JAK2: variants seen among roughly 807,000 people sequenced by gnomAD.
JAK2 encodes tyrosine-protein kinase JAK2.
A neutral mutation model predicts 139.3 loss-of-function variants in JAK2; 86 were observed. The observed-to-expected ratio is 0.62, with a 90% CI of 0.52 to 0.74. JAK2 has a LOEUF of 0.74. Ranked by LOEUF, JAK2 falls within the 30% of genes least tolerant of loss-of-function variation. JAK2 has a pLI of 0.00. For synonymous variants in JAK2, 490 were observed against 437.7 expected, an observed-to-expected ratio of 1.12 and a Z score of -1.49; for missense variants, 1,421 against 1,360.3, an observed-to-expected ratio of 1.04 and a Z score of -0.70.
Position 5,041,071 on chromosome 9 carries a change from T to C in JAK2, c.351-3332T>C, listed in dbSNP as rs115680214. The C allele has an allele frequency of 5.5e-5, 38 of 694,000 alleles. No individual in the cohort carries two copies. In the African/African-American group the frequency reaches 6.4e-4, roughly 12 times the overall value. The allele number at this position is 694,000 out of a possible 1,614,324, so 43.0% of individuals were successfully genotyped here. A position where few individuals can be genotyped will look rare whatever the true frequency, so the allele number is the denominator to read the frequency against. ...AGCGCCATAGAGGGCGTCCCTCAGG[T>C]CTACTACCTACTACAGCCTGGAGGA... On this transcript the variant is annotated intron_variant, in intron 4 of 24. Transcript: ENST00000381652.
intron 19 of JAK2, among the ~76,000 whole-genome samples, chr9:5,082,247 C>T (rs150494605): frequency 0.031 from 4,654 of 152,180 alleles, 123 homozygotes; most frequent in Non-Finnish European, 0.038. Context: ...AAGAGGAATG[C>T]GGCAGGAGAG....
chr9:5,077,687 T>A (rs1324533882), intron 15 of JAK2, 107 bp downstream of exon 15: 2 of 637,516 alleles, frequency 3.1e-6, no homozygotes, highest in Non-Finnish European at 4.9e-6. Flanking sequence ...TGGATGCCAA[T>A]TCATGTAAAA....
intron 22 of JAK2, 98 bp downstream of exon 22, chr9:5,091,009 C>G (rs1435237880): frequency 4.4e-6 from 4 of 910,392 alleles, no homozygotes; most frequent in Non-Finnish European, 4.9e-6. Flanking sequence ...TTTACAGTAA[C>G]AGTGAACATT....
intron 2 of JAK2, among the ~76,000 whole-genome samples, chr9:5,014,536 A>G (rs1821922130): frequency 6.6e-6 from 1 of 152,176 alleles, no homozygotes; most frequent in Non-Finnish European, 1.5e-5. Context: ...GGAAAATATC[A>G]GAACAGCTGT....
chr9:5,091,112 T>C lies in JAK2; in HGVS notation c.3059+201T>C, dbSNP rs1586773415. ...GGGAAAATGGCATATGCTTTATTTC[T>C]ATTAAGTGTTGTCTTATTTATAGGG... On this transcript the variant is annotated intron_variant, in intron 22 of 24. Coordinates refer to ENST00000381652, the MANE Select transcript of JAK2 (RefSeq NM_004972.4). 4 of 437,522 alleles carry C rather than the reference T, an allele frequency of 9.1e-6. No individual in the cohort carries two copies. In the Admixed American group the frequency reaches 1.7e-4, roughly 18 times the overall value. The allele number at this position is 437,522 out of a possible 1,614,324, so 27.1% of individuals were successfully genotyped here. A position where few individuals can be genotyped will look rare whatever the true frequency, so the allele number is the denominator to read the frequency against.
chr9:5,046,261 G>C (rs1315690433), intron 5 of JAK2, among the ~76,000 whole-genome samples: 4 of 152,036 alleles, frequency 2.6e-5, no homozygotes, highest in Non-Finnish European at 5.9e-5. Context: ...TTTAAATCAG[G>C]TTGTTTGTTT....
chr9:5,079,971 G>A (rs1471776731), intron 16 of JAK2, among the ~76,000 whole-genome samples: 1 of 152,066 alleles, frequency 6.6e-6, no homozygotes. Flanking sequence ...CTAACAAATT[G>A]TGTGGCTTTG....
At position 5,062,341 on chromosome 9, in the gene JAK2, T is replaced by G. The variant is rs539623446; in HGVS notation, c.1057-2542T>G. Among the ~76,000 whole-genome samples, 52 of 152,004 alleles carry G rather than the reference T, an allele frequency of 3.4e-4. 1 individual carries two copies. The South Asian group carries it at 1.0e-2, about 29-fold the overall frequency. On this transcript the variant is annotated intron_variant, in intron 8 of 24. Transcript: ENST00000381652. ...GTACAATAGTTACATCAAAGGTCAT[T>G]GATCACAAATCACCGTAACAGGTAT...
intron 19 of JAK2, among the ~76,000 whole-genome samples, chr9:5,082,100 AAGAAAGAAGACACAG>A (rs565083564): frequency 1.7e-3 from 262 of 151,950 alleles, no homozygotes; most frequent in Non-Finnish European, 2.9e-3. Flanking sequence ...AGACTGAGAA[AAGAAAGAAGACACAG>A]AGACAAAAGT....
At chr9:5,067,502 T>C (rs1818650184) in intron 10 of JAK2, among the ~76,000 whole-genome samples, 1 of 152,104 alleles carries the variant, frequency 6.6e-6, no homozygotes, top group South Asian at 2.1e-4. Flanking sequence ...AAATGCAACT[T>C]ATATTTGGCA....
At chr9:5,118,636 T>C (rs938852427) in intron 22 of JAK2, among the ~76,000 whole-genome samples, 2 of 152,238 alleles carry the variant, frequency 1.3e-5, no homozygotes, top group South Asian at 4.1e-4. Context: ...ATAAATTCTG[T>C]GTTCATTTTG....
At chr9:5,003,998 A>G (rs1228222794) in intron 2 of JAK2, among the ~76,000 whole-genome samples, 2 of 152,094 alleles carry the variant, frequency 1.3e-5, no homozygotes, top group Non-Finnish European at 2.9e-5. Flanking sequence ...TATATTGACT[A>G]TTTAAAAAAT....
chr9:4,995,737 A>G (rs1820521061), intron 2 of JAK2, among the ~76,000 whole-genome samples: 2 of 152,246 alleles, frequency 1.3e-5, no homozygotes, highest in Non-Finnish European at 2.9e-5. Flanking sequence ...TCAAGCATTT[A>G]GGAATAGAAG....
chr9:5,121,204 A>T (rs1823595126), intron 22 of JAK2, among the ~76,000 whole-genome samples: 2 of 152,200 alleles, frequency 1.3e-5, no homozygotes, highest in Non-Finnish European at 2.9e-5. Flanking sequence ...TTTATGATTG[A>T]GTAAGCATTA....
intron 2 of JAK2, among the ~76,000 whole-genome samples, chr9:5,010,124 T>C (rs1821597560): frequency 6.6e-6 from 1 of 152,230 alleles, no homozygotes; most frequent in South Asian, 2.1e-4. Flanking sequence ...TCTAGTCCTA[T>C]CTACTTTTGA....
intron 18 of JAK2, among the ~76,000 whole-genome samples, chr9:5,081,117 G>C (rs957476536): frequency 4.1e-4 from 62 of 151,712 alleles, no homozygotes; most frequent in African/African-American, 1.4e-3. Flanking sequence ...GGATGGTCTC[G>C]ATCTCCTGAT....
intron 22 of JAK2, among the ~76,000 whole-genome samples, chr9:5,116,742 G>C (rs1315943652): frequency 1.3e-5 from 2 of 152,142 alleles, no homozygotes; most frequent in Admixed American, 1.3e-4. Context: ...TAGTAGAAAG[G>C]CTGAACTAAA....
chr9:5,013,269 C>T (rs1821819083), intron 2 of JAK2, among the ~76,000 whole-genome samples: 1 of 152,004 alleles, frequency 6.6e-6, no homozygotes, highest in Non-Finnish European at 1.5e-5. Flanking sequence ...AATTCTTTTA[C>T]ATTTCACCTC....
intron 2 of JAK2, among the ~76,000 whole-genome samples, chr9:4,997,997 C>G (rs1820680626): frequency 6.6e-6 from 1 of 151,996 alleles, no homozygotes; most frequent in Non-Finnish European, 1.5e-5. Flanking sequence ...CAGTGTTCTT[C>G]TAGCATGGCA....
Sources: gnomAD v4.1 joint callset for allele counts (sites outside exome capture counted in the v4.1 genomes callset) on GRCh38, gnomAD v4.1.1 for gene constraint, MANE v1.5 for transcripts, NCBI Gene and HGNC (gene_info 2026-07-23, HGNC 2026-07-21) for gene names.